GAN: variants seen among roughly 807,000 people sequenced by gnomAD.
GAN encodes the protein epididymis secretory sperm binding protein.
In GAN, 48 loss-of-function variants were observed where a neutral mutation model predicts 71.3. That is an observed-to-expected ratio of 0.67 (90% CI 0.53 to 0.86). The LOEUF (loss-of-function observed/expected upper bound fraction) is 0.86. GAN is among the 40% of genes least tolerant of loss of function. GAN has a pLI of 0.00. For missense variants in GAN, 928 were observed against 770.1 expected, an observed-to-expected ratio of 1.21 and a Z score of -2.43; for synonymous variants, 386 against 276.8, an observed-to-expected ratio of 1.39 and a Z score of -3.92.
In GAN at chr16:81,331,416, T is replaced by C. The variant is rs1309100662; in HGVS notation, c.167+16136T>C. ...AGTGGTGATACTGGAATAAAGCATG[T>C]GGTTTAATTAGTATTTCTGTAACAA... On this transcript the variant is annotated intron_variant, in intron 1 of 10. Transcript: ENST00000648994. 2.6e-5 allele frequency among the ~76,000 whole-genome samples: 4 copies of C among 152,250 alleles called. No individual in the cohort carries two copies. The East Asian group carries it at 7.7e-4, about 29-fold the overall frequency.
intron 1 of GAN, among the ~76,000 whole-genome samples, chr16:81,326,260 A>G (rs943231324): frequency 3.3e-5 from 5 of 152,084 alleles, no homozygotes; most frequent in Admixed American, 1.3e-4. Context: ...GCTCAAGCCT[A>G]TAATCCCAGC....
intron 1 of GAN, among the ~76,000 whole-genome samples, chr16:81,324,628 G>T (rs1239736471): frequency 6.6e-6 from 1 of 152,082 alleles, no homozygotes; most frequent in African/African-American, 2.4e-5. Context: ...TGCTTCCAAA[G>T]AAGATGAAAC....
intron 9 of GAN, among the ~76,000 whole-genome samples, chr16:81,376,936 A>C (rs373890032): frequency 2.6e-5 from 4 of 152,218 alleles, no homozygotes; most frequent in African/African-American, 9.6e-5. Flanking sequence ...GACAGATGCA[A>C]ACAACAGTGT....
intron 2 of GAN, among the ~76,000 whole-genome samples, chr16:81,353,486 A>C (rs914324409): frequency 6.6e-6 from 1 of 152,236 alleles, no homozygotes; most frequent in Non-Finnish European, 1.5e-5. Flanking sequence ...CTTACTCACC[A>C]TACTACTTTC....
At chr16:81,371,552 C>T (rs1474197901) in intron 9 of GAN, among the ~76,000 whole-genome samples, 1 of 152,144 alleles carries the variant, frequency 6.6e-6, no homozygotes, top group Non-Finnish European at 1.5e-5. Context: ...GTTCTCGAAG[C>T]CTCGGTCATA....
chr16:81,372,025 T>C (rs538894242), intron 9 of GAN: 1 of 152,290 alleles, frequency 6.6e-6, no homozygotes, highest in Admixed American at 6.5e-5. Flanking sequence ...TTTCCTCCTC[T>C]CCTTTCTCCT....
intron 1 of GAN, among the ~76,000 whole-genome samples, chr16:81,317,580 T>G (rs1290345065): frequency 2.6e-5 from 4 of 152,276 alleles, no homozygotes; most frequent in African/African-American, 9.6e-5. Context: ...GTTCTTTCAC[T>G]TTCTAAATAA....
At chr16:81,330,213 C>A (rs1909529562) in intron 1 of GAN, among the ~76,000 whole-genome samples, 1 of 152,222 alleles carries the variant, frequency 6.6e-6, no homozygotes, top group Admixed American at 6.5e-5. Context: ...CGTCAGTCTC[C>A]ACACTGCTGC....
intron 1 of GAN, among the ~76,000 whole-genome samples, chr16:81,341,115 A>C (rs563261848): frequency 1.3e-5 from 2 of 152,246 alleles, no homozygotes; most frequent in South Asian, 4.1e-4. Context: ...AAAGAAATGA[A>C]GAAAGCCTTC....
At chr16:81,349,565 A>G (rs1162751770) in intron 1 of GAN, among the ~76,000 whole-genome samples, 1 of 152,030 alleles carries the variant, frequency 6.6e-6, no homozygotes, top group Non-Finnish European at 1.5e-5. Context: ...AATCACTTGA[A>G]CCCAGGAGGA....
In GAN at chr16:81,388,263, A is replaced by C. The variant is rs1904461674; in HGVS notation, c.*10667A>C. On this transcript the variant is annotated 3_prime_UTR_variant, in exon 11 of 11. Coordinates refer to ENST00000648994, the MANE Select transcript of GAN (RefSeq NM_022041.4). ...TTATGTATCCAAAATAAAAAGGAAA[A>C]GAAAGGTGCAGTTGGGGCGGGTTGT... 6.6e-6 allele frequency: 1 copy of C among 152,326 alleles called. No homozygotes were observed. The highest frequency in any genetic ancestry group is 1.5e-5 in the Non-Finnish European group (1 of 68,152). The allele number at this position is 152,326 out of a possible 1,614,324, so 9.4% of individuals were successfully genotyped here.
At chr16:81,340,966 A>C (rs186546809) in intron 1 of GAN, among the ~76,000 whole-genome samples, 2 of 152,138 alleles carry the variant, frequency 1.3e-5, no homozygotes, top group East Asian at 1.9e-4. Context: ...ATGGAGCTGA[A>C]AACCACAGTA....
intron 1 of GAN, among the ~76,000 whole-genome samples, chr16:81,339,265 C>T (rs1909864510): frequency 1.3e-5 from 2 of 152,170 alleles, no homozygotes; most frequent in African/African-American, 2.4e-5. Context: ...GAACAGTTCC[C>T]AGTTGAATTG....
Position 81,384,109 on chromosome 16 carries a change from C to G in GAN, c.*6513C>G, listed in dbSNP as rs1049814103. ...TTTAATTGGATGAGAATTACATGCA[C>G]TTATTCAGTTGTTCTTTGTGTTTAT... On this transcript the variant is annotated 3_prime_UTR_variant, in exon 11 of 11. Coordinates refer to ENST00000648994, the MANE Select transcript of GAN (RefSeq NM_022041.4). 1 of 151,930 alleles carries G rather than the reference C, an allele frequency of 6.6e-6. No homozygotes were observed. The highest frequency in any genetic ancestry group is 2.4e-5 in the African/African-American group (1 of 41,366). 9.4% of individuals were successfully genotyped at this position (151,930 alleles called of 1,614,324 possible).
At chr16:81,355,786 G>A (rs1337407669) in intron 3 of GAN, among the ~76,000 whole-genome samples, 1 of 152,128 alleles carries the variant, frequency 6.6e-6, no homozygotes, top group African/African-American at 2.4e-5. Context: ...ACTGTTAATT[G>A]TTCTTGTAAG....
intron 3 of GAN, among the ~76,000 whole-genome samples, chr16:81,354,976 G>A (rs1388465252): frequency 1.3e-5 from 2 of 152,186 alleles, no homozygotes; most frequent in South Asian, 2.1e-4. Context: ...ATTAGCCCTT[G>A]TAAGGAGCGT....
At chr16:81,317,748 G>T (rs181935977) in intron 1 of GAN, among the ~76,000 whole-genome samples, 3 of 152,164 alleles carry the variant, frequency 2.0e-5, no homozygotes, top group Non-Finnish European at 4.4e-5. Context: ...CGTTCTCTTT[G>T]TGTAAACTTT....
chr16:81,376,503 GTGTGTGTA>G lies in GAN; in HGVS notation c.1503-708_1503-701del, dbSNP rs1287894340. Among the ~76,000 whole-genome samples, 392 of 139,030 alleles carry G rather than the reference GTGTGTGTA, an allele frequency of 2.8e-3. 1 individual carries two copies. Among genetic ancestry groups the G allele is most frequent in the African/African-American group, 6.6e-3 (219 of 33,332 alleles). The allele number at this position is 139,030 out of a possible 152,430, so 91.2% of individuals were successfully genotyped here. On this transcript the variant is annotated intron_variant, in intron 9 of 10. Transcript: ENST00000648994. Reference sequence around the variant, plus strand: ...TGTGTGTGTGTGTGTGTGTGTGTGTGTGTGTGTATGTGTGTGTGTATACATATATGTGT... The same window carrying G: ...TGTGTGTGTGTGTGTGTGTGTGTGTGTGTGTGTGTGTATACATATATGTGT...
rs367608270 is a variant in GAN at position 81,356,770 on chromosome 16, T to C, written c.634-15T>C. The stretch of plus-strand genomic sequence containing the variant: ...TTCCATTGTTTTCGCCCCATCTTTC[T>C]TCCCTCTTCTGCAGGTCCACATGAA... On this transcript the variant is annotated splice_polypyrimidine_tract_variant and intron_variant, in intron 3 of 10. Coordinates refer to ENST00000648994, the MANE Select transcript of GAN (RefSeq NM_022041.4). 366 of 1,564,824 alleles carry C rather than the reference T, an allele frequency of 2.3e-4. 2 individuals carry two copies. Among genetic ancestry groups the C allele is most frequent in the South Asian group, 9.9e-4 (89 of 90,142 alleles).
Sources: gnomAD v4.1 joint callset for allele counts (sites outside exome capture counted in the v4.1 genomes callset) on GRCh38, gnomAD v4.1.1 for gene constraint, MANE v1.5 for transcripts, NCBI Gene and HGNC (gene_info 2026-07-23, HGNC 2026-07-21) for gene names.